SPG11: variants seen among roughly 807,000 people sequenced by gnomAD.
SPG11 encodes the protein SPG11 vesicle trafficking associated, spatacsin, also known as spatacsin.
In SPG11, 222 loss-of-function variants were observed where a neutral mutation model predicts 274.0. The observed-to-expected ratio is 0.81, with a 90% CI of 0.73 to 0.91. SPG11 has a LOEUF of 0.91. SPG11 is among the 40% of genes least tolerant of loss of function. The pLI is 0.00. For synonymous variants in SPG11, 1,144 were observed against 1,039.7 expected (o/e 1.10, Z -1.93); for missense variants, 3,114 against 2,872.7 (o/e 1.08, Z -1.92).
At chr15:44,660,338 C>T in intron 2 of SPG11, 94 bp downstream of exon 2, 1 of 1,146,088 alleles carries the variant, frequency 8.7e-7, no homozygotes, top group South Asian at 1.2e-5. Flanking sequence ...ACAGCGTAGA[C>T]CTGATTTCAC....
chr15:44,610,856 G>A lies in SPG11; in HGVS notation c.3275C>T (p.Pro1092Leu). The A allele has an allele frequency of 6.2e-7, 1 of 1,613,906 alleles. No homozygotes were observed. The highest frequency in any genetic ancestry group is 8.5e-7 in the Non-Finnish European group (1 of 1,179,936). ...TATCCATACCTGACTGACACCCCCA[G>A]GAGAATACATTGTAGTAGCAAGGGC... ...LLALATTMYS[P>L]GGVSQVVQNE... Residue 1092 changes from proline to leucine, a missense_variant, in exon 18 of 40, where the codon CCT (proline) becomes CTT (leucine). Physicochemically the swap from Pro to Leu is moderately conservative, Grantham distance 98. Coordinates refer to ENST00000261866, the MANE Select transcript of SPG11 (RefSeq NM_025137.4).
At position 44,596,936 on chromosome 15, in the gene SPG11, T is replaced by C; in HGVS notation, c.4009A>G (p.Ser1337Gly). The C allele has an allele frequency of 1.9e-6, 3 of 1,613,920 alleles. No homozygotes were observed. The highest frequency in any genetic ancestry group is 2.5e-6 in the Non-Finnish European group (3 of 1,179,990). ...IQQQEIKRLSSESSSQWALVV... is the reference protein window; with the variant it reads ...IQQQEIKRLSGESSSQWALVV... ...AATGCCCATTGGCTGCTAGATTCACTGGATAACCTATAATCAGAATTAGAG... is the reference window on the plus strand; with the variant it reads ...AATGCCCATTGGCTGCTAGATTCACCGGATAACCTATAATCAGAATTAGAG... Residue 1337 changes from serine to glycine, a missense_variant, in exon 24 of 40, where the codon AGT becomes GGT. By Grantham distance (56) the Ser-to-Gly change is moderately conservative (BLOSUM62 0). Transcript: ENST00000261866.
At chr15:44,659,042 T>C (rs762369010) in intron 3 of SPG11, 37 bp downstream of exon 3, 5 of 1,589,906 alleles carry the variant, frequency 3.1e-6, no homozygotes, top group Admixed American at 3.3e-5. Flanking sequence ...GTTCTTCTCC[T>C]CTACGTATCA....
chr15:44,619,314 C>A (rs1241777789), intron 15 of SPG11, among the ~76,000 whole-genome samples: 1 of 152,164 alleles, frequency 6.6e-6, no homozygotes, highest in Admixed American at 6.5e-5. Context: ...TTTCCTTATA[C>A]TATTTCAACA....
chr15:44,608,248 C>A (rs1021514395), intron 19 of SPG11, among the ~76,000 whole-genome samples, 196 bp downstream of exon 19: 4 of 152,150 alleles, frequency 2.6e-5, no homozygotes, highest in Admixed American at 2.6e-4. Context: ...GTTCTTGCAG[C>A]CTTAGGGGTG....
intron 38 of SPG11, among the ~76,000 whole-genome samples, chr15:44,565,562 A>C (rs1036315084): frequency 1.3e-5 from 2 of 152,234 alleles, no homozygotes; most frequent in African/African-American, 4.8e-5. Flanking sequence ...GCCATGGGCC[A>C]GTACCAGTCT....
At chr15:44,661,917 T>C (rs1422378515) in intron 1 of SPG11, among the ~76,000 whole-genome samples, 2 of 152,208 alleles carry the variant, frequency 1.3e-5, no homozygotes, top group Non-Finnish European at 2.9e-5. Context: ...TAAAATTCAA[T>C]TCAACTAAAA....
intron 25 of SPG11, 72 bp from the exon 26 acceptor site, chr15:44,595,531 A>ATTTCCTGTTTAGAATAAG (rs1480797866): frequency 1.3e-6 from 2 of 1,481,796 alleles, no homozygotes; most frequent in East Asian, 4.6e-5. Flanking sequence ...ACAGATGGAT[A>ATTTCCTGTTTAGAATAAG]TTTCCTGTTT....
rs1016658137 is a variant in SPG11 at position 44,572,659 on chromosome 15, G to T, written c.6343+24C>A. 6 of 1,613,758 alleles carry T rather than the reference G, an allele frequency of 3.7e-6. 1 individual carries two copies. The highest frequency in any genetic ancestry group is 2.7e-5 in the African/African-American group (2 of 74,912). On this transcript the variant is annotated intron_variant, in intron 33 of 39. Coordinates refer to ENST00000261866, the MANE Select transcript of SPG11 (RefSeq NM_025137.4). Reference sequence around the variant, plus strand: ...TGAGACCTGTTTAGGGCCAAAATATGTAAGAAAAAGGTCAATAACTTACTG... The same window carrying T: ...TGAGACCTGTTTAGGGCCAAAATATTTAAGAAAAAGGTCAATAACTTACTG...
intron 7 of SPG11, among the ~76,000 whole-genome samples, chr15:44,634,927 T>A (rs2084193339): frequency 6.6e-6 from 1 of 152,082 alleles, no homozygotes; most frequent in Non-Finnish European, 1.5e-5. Flanking sequence ...ATTTTTTTTT[T>A]AAGTATGATG....
chr15:44,636,048 G>T (rs1427987843), intron 7 of SPG11, among the ~76,000 whole-genome samples: 4 of 152,120 alleles, frequency 2.6e-5, no homozygotes, highest in African/African-American at 9.7e-5. Flanking sequence ...ATAGATATTG[G>T]GAGGGGCCTG....
At chr15:44,619,410 T>C (rs759529638) in intron 15 of SPG11, among the ~76,000 whole-genome samples, 5 of 152,192 alleles carry the variant, frequency 3.3e-5, no homozygotes, top group Non-Finnish European at 7.3e-5. Context: ...GTTCATATGG[T>C]TCAATTTAAC....
chr15:44,657,238 T>C lies in SPG11; in HGVS notation c.726A>G (p.Lys242=). ...GTTGCTGCTCATTACACATGTCTTC[T>C]TTGTGAAGTGCTAAATCCACATGAG... ...YVAHVDLALH[K]EDMCNEQQQE... The change falls in exon 4 of 40, where the codon AAA becomes AAG. Residue 242 remains lysine, a synonymous_variant. Coordinates refer to ENST00000261866, the MANE Select transcript of SPG11 (RefSeq NM_025137.4). 6.2e-7 allele frequency: 1 copy of C among 1,614,218 alleles called. No homozygotes were observed. The highest frequency in any genetic ancestry group is 8.5e-7 in the Non-Finnish European group (1 of 1,180,040).
chr15:44,639,797 ACT>A (rs1326149615), intron 7 of SPG11, among the ~76,000 whole-genome samples: 4 of 152,156 alleles, frequency 2.6e-5, no homozygotes, highest in East Asian at 1.9e-4. Flanking sequence ...TATATAGAAA[ACT>A]CAATAAAATC....
At chr15:44,647,690 A>G (rs1343188275) in intron 7 of SPG11, among the ~76,000 whole-genome samples, 1 of 152,236 alleles carries the variant, frequency 6.6e-6, no homozygotes, top group Non-Finnish European at 1.5e-5. Context: ...AATTCAATTT[A>G]CATGAAATGT....
At chr15:44,642,045 T>C (rs1050745438) in intron 7 of SPG11, among the ~76,000 whole-genome samples, 10 of 149,528 alleles carry the variant, frequency 6.7e-5, no homozygotes, top group Admixed American at 1.3e-4. Flanking sequence ...CATGGATGAA[T>C]CAAAAAAATC....
intron 30 of SPG11, among the ~76,000 whole-genome samples, chr15:44,582,323 G>A (rs1299298963): frequency 1.3e-5 from 2 of 152,142 alleles, no homozygotes; most frequent in East Asian, 1.9e-4. Context: ...CAAGATGGGC[G>A]GATCACTTGA....
chr15:44,659,812 G>A (rs2085051405), intron 2 of SPG11, among the ~76,000 whole-genome samples: 1 of 152,202 alleles, frequency 6.6e-6, no homozygotes, highest in Non-Finnish European at 1.5e-5. Flanking sequence ...TGTAATCCCA[G>A]CACTTTGGGA....
intron 15 of SPG11, 56 bp from the exon 16 acceptor site, chr15:44,615,622 C>G: frequency 6.9e-7 from 1 of 1,458,062 alleles, no homozygotes; most frequent in Non-Finnish European, 9.6e-7. Flanking sequence ...CAGAGTAGAC[C>G]AAATCATGCC....
Sources: allele counts gnomAD v4.1 joint callset (sites outside exome capture counted in the v4.1 genomes callset), GRCh38; gene constraint gnomAD v4.1.1; transcripts MANE v1.5; gene names NCBI Gene and HGNC (gene_info 2026-07-23, HGNC 2026-07-21).